TM9SF2: variants seen among roughly 807,000 people sequenced by gnomAD.
TM9SF2 encodes 76 kDa membrane protein.
TM9SF2 carries 13 observed loss-of-function variants against 84.9 expected under a neutral mutation model. That is an observed-to-expected ratio of 0.15 (90% CI 0.10 to 0.24). The LOEUF is 0.24. Among genes scored for constraint, TM9SF2 ranks in the 10% least tolerant of loss-of-function variants. The pLI is 1.00. For synonymous variants in TM9SF2, 273 were observed against 285.8 expected (o/e 0.96, Z 0.45); for missense variants, 562 against 818.5 (o/e 0.69, Z 3.82).
At chr13:99,543,344 C>T (rs2046268839) in intron 9 of TM9SF2, among the ~76,000 whole-genome samples, 1 of 152,160 alleles carries the variant, frequency 6.6e-6, no homozygotes, top group Admixed American at 6.5e-5. Context: ...TCATGTACTC[C>T]TGAGAGTAGG....
chr13:99,525,220 G>A (rs764314214), intron 3 of TM9SF2, among the ~76,000 whole-genome samples: 4 of 151,600 alleles, frequency 2.6e-5, no homozygotes, highest in Admixed American at 2.0e-4. Context: ...GGAGGATGGC[G>A]TGGTTCAAAG....
Position 99,543,928 on chromosome 13 carries a change from A to G in TM9SF2, c.1083A>G (p.Lys361=). 1 of 1,614,182 alleles carries G rather than the reference A, an allele frequency of 6.2e-7. No individual in the cohort carries two copies. The highest frequency in any genetic ancestry group is 1.1e-5 in the South Asian group (1 of 91,082). ...VHGDIFRPPR[K]GMLLSVFLGS... ...GTGATATATTCCGTCCTCCAAGAAA[A>G]GGGATGCTGCTATCAGTCTTTCTAG... The change falls in exon 10 of 17, where the codon AAA becomes AAG. Residue 361 remains lysine (K), a synonymous_variant. Coordinates refer to ENST00000376387, the MANE Select transcript of TM9SF2 (RefSeq NM_004800.3).
chr13:99,516,642 C>T (rs1367983183), intron 1 of TM9SF2, among the ~76,000 whole-genome samples: 3 of 152,148 alleles, frequency 2.0e-5, no homozygotes, highest in African/African-American at 7.2e-5. Flanking sequence ...TAAAATTAGC[C>T]TATATTTCCC....
intron 1 of TM9SF2, among the ~76,000 whole-genome samples, chr13:99,515,837 A>G (rs112136655): frequency 4.0e-5 from 6 of 151,894 alleles, no homozygotes; most frequent in African/African-American, 7.3e-5. Context: ...GGTTCAAGCA[A>G]TTCTCCTGCC....
intron 15 of TM9SF2, among the ~76,000 whole-genome samples, chr13:99,556,025 A>C: frequency 6.6e-6 from 1 of 152,298 alleles, no homozygotes; most frequent in Middle Eastern, 3.4e-3. Flanking sequence ...CTGAAAATTT[A>C]ATAAAAGTAA....
At chr13:99,509,004 C>T (rs1482455119) in intron 1 of TM9SF2, among the ~76,000 whole-genome samples, 1 of 152,166 alleles carries the variant, frequency 6.6e-6, no homozygotes, top group African/African-American at 2.4e-5. Context: ...CTGACTGCAG[C>T]ATTAATTCAA....
chr13:99,530,196 G>A (rs949917598), intron 4 of TM9SF2, among the ~76,000 whole-genome samples: 2 of 152,118 alleles, frequency 1.3e-5, no homozygotes, highest in East Asian at 1.9e-4. Context: ...AGGCTGAGGC[G>A]GTTGGATCAC....
chr13:99,509,098 A>T (rs2046102269), intron 1 of TM9SF2, among the ~76,000 whole-genome samples: 1 of 152,210 alleles, frequency 6.6e-6, no homozygotes, highest in South Asian at 2.1e-4. Flanking sequence ...AAAACAAGTT[A>T]CTTACTTCCA....
chr13:99,522,200 T>C (rs939034354), intron 3 of TM9SF2, among the ~76,000 whole-genome samples: 1 of 152,156 alleles, frequency 6.6e-6, no homozygotes, highest in Non-Finnish European at 1.5e-5. Flanking sequence ...TTTGTATTTT[T>C]CGTAGAGATG....
At chr13:99,533,242 A>G (rs1022553620) in intron 4 of TM9SF2, among the ~76,000 whole-genome samples, 8 of 152,246 alleles carry the variant, frequency 5.3e-5, no homozygotes, top group Non-Finnish European at 8.8e-5. Flanking sequence ...GCCGATGAGA[A>G]AACACAAGCA....
At chr13:99,549,027 TA>T (rs2046295191) in intron 11 of TM9SF2, 137 bp from the exon 12 acceptor site, 1 of 620,790 alleles carries the variant, frequency 1.6e-6, no homozygotes. Flanking sequence ...AATATCATAT[TA>T]TATTTGCTAG....
chr13:99,508,151 A>G (rs1268075475), intron 1 of TM9SF2, among the ~76,000 whole-genome samples: 2 of 152,222 alleles, frequency 1.3e-5, no homozygotes, highest in Admixed American at 1.3e-4. Flanking sequence ...TGCTTTCTCT[A>G]AGTGACATAG....
At chr13:99,544,115 G>A in intron 10 of TM9SF2, 120 bp downstream of exon 10, 1 of 1,100,704 alleles carries the variant, frequency 9.1e-7, no homozygotes, top group Non-Finnish European at 1.3e-6. Flanking sequence ...ACTTTGGGAG[G>A]CCAAGGCGGG....
At position 99,513,861 on chromosome 13, in the gene TM9SF2, C is replaced by T. The variant is rs376987744; in HGVS notation, c.172-3753C>T. 5.3e-5 allele frequency among the ~76,000 whole-genome samples: 8 copies of T among 152,288 alleles called. No homozygotes were observed. In the East Asian group the frequency reaches 5.8e-4, roughly 11 times the overall value. ...TGCTCACTTGTGGATGTAGTGTCTA[C>T]GGCTGCTTTTGCACTACGGCAGTGG... On this transcript the variant is annotated intron_variant, in intron 1 of 16. Coordinates refer to ENST00000376387, the MANE Select transcript of TM9SF2 (RefSeq NM_004800.3).
chr13:99,541,685 A>T lies in TM9SF2; in HGVS notation c.1017+18A>T. 1.3e-6 allele frequency: 2 copies of T among 1,523,246 alleles called. No individual in the cohort carries two copies. Among genetic ancestry groups the T allele is most frequent in the Non-Finnish European group, 1.8e-6 (2 of 1,104,174 alleles). 94.4% of individuals were successfully genotyped at this position (1,523,246 alleles called of 1,614,324 possible). A position where few individuals can be genotyped will look rare whatever the true frequency, so the allele number is the denominator to read the frequency against. On this transcript the variant is annotated intron_variant, in intron 9 of 16. Coordinates refer to ENST00000376387, the MANE Select transcript of TM9SF2 (RefSeq NM_004800.3). ...ACTCTACGGTAAGTGGAAACATTTT[A>T]GTCTTTAGTCTGCCAAGGACACTGT... is the stretch of plus-strand genomic sequence containing the variant.
intron 16 of TM9SF2, among the ~76,000 whole-genome samples, chr13:99,562,295 C>T (rs1337343258): frequency 6.6e-6 from 1 of 152,102 alleles, no homozygotes; most frequent in Non-Finnish European, 1.5e-5. Flanking sequence ...AGAAAATATC[C>T]CCATTTAATC....
At chr13:99,524,268 A>T (rs1329580610) in intron 3 of TM9SF2, among the ~76,000 whole-genome samples, 1 of 152,178 alleles carries the variant, frequency 6.6e-6, no homozygotes, top group East Asian at 1.9e-4. Flanking sequence ...CTTCTCCCTC[A>T]TCTAAATATG....
intron 1 of TM9SF2, among the ~76,000 whole-genome samples, chr13:99,510,132 A>G (rs1272284486): frequency 1.3e-5 from 2 of 152,214 alleles, no homozygotes; most frequent in Non-Finnish European, 2.9e-5. Flanking sequence ...AACACGTGTG[A>G]CCTTTGCACA....
intron 4 of TM9SF2, among the ~76,000 whole-genome samples, chr13:99,530,545 C>T (rs941365386): frequency 2.6e-5 from 4 of 152,112 alleles, no homozygotes; most frequent in Non-Finnish European, 4.4e-5. Flanking sequence ...TGCAATAAAA[C>T]GAAGTATGCC....
Sources: gnomAD v4.1 joint callset for allele counts (sites outside exome capture counted in the v4.1 genomes callset) on GRCh38, gnomAD v4.1.1 for gene constraint, MANE v1.5 for transcripts, NCBI Gene and HGNC (gene_info 2026-07-23, HGNC 2026-07-21) for gene names.